The following EXOC6B variants were observed in gnomAD, a reference collection of about 807,000 sequenced individuals.
The protein encoded by EXOC6B is SEC15 homolog B.
Under a neutral mutation model 113.5 loss-of-function variants are expected in EXOC6B, and 54 were observed. The observed-to-expected ratio is 0.48, with a 90% CI of 0.38 to 0.60. The LOEUF (loss-of-function observed/expected upper bound fraction) is 0.60. Ranked by LOEUF, EXOC6B falls within the 20% of genes least tolerant of loss-of-function variation. EXOC6B has a pLI of 0.00. For synonymous variants in EXOC6B, 357 were observed against 339.0 expected (o/e 1.05, Z -0.58); for missense variants, 797 against 977.5 (o/e 0.82, Z 2.46).
Position 72,791,478 on chromosome 2 carries a change from T to C in EXOC6B, c.113+34320A>G, listed in dbSNP as rs192913415. Among the ~76,000 whole-genome samples, 47 of 152,318 alleles carry C rather than the reference T, an allele frequency of 3.1e-4. No individual in the cohort carries two copies. In the East Asian group the frequency reaches 8.5e-3, roughly 28 times the overall value. On this transcript the variant is annotated intron_variant, in intron 1 of 21. Transcript: ENST00000272427. ...GGAGGATGGCTTAAGCCGAGGGAAG[T>C]TGAGGCTGTGGCAAACCAAGACAGT...
At chr2:72,681,678 A>G (rs1288133358) in intron 6 of EXOC6B, among the ~76,000 whole-genome samples, 1 of 152,086 alleles carries the variant, frequency 6.6e-6, no homozygotes, top group African/African-American at 2.4e-5. Flanking sequence ...TACTTAAGCA[A>G]GTATATAAAA....
chr2:72,755,422 A>C (rs1682349490), intron 1 of EXOC6B, among the ~76,000 whole-genome samples: 1 of 152,178 alleles, frequency 6.6e-6, no homozygotes. Flanking sequence ...GAGAGTTTAC[A>C]CCTGGAACAA....
At chr2:72,415,353 A>AG (rs397974580) in intron 18 of EXOC6B, among the ~76,000 whole-genome samples, 11 of 152,062 alleles carry the variant, frequency 7.2e-5, no homozygotes, top group Non-Finnish European at 1.3e-4. Flanking sequence ...AAAAAAAAAA[A>AG]TACAGTGATT....
intron 6 of EXOC6B, among the ~76,000 whole-genome samples, chr2:72,607,887 G>C (rs1278273282): frequency 1.3e-5 from 2 of 152,050 alleles, no homozygotes; most frequent in African/African-American, 4.8e-5. Flanking sequence ...GTATGAAACT[G>C]ATGCTCAATG....
intron 6 of EXOC6B, among the ~76,000 whole-genome samples, chr2:72,654,045 C>G (rs1415440500): frequency 1.3e-5 from 2 of 151,148 alleles, no homozygotes; most frequent in Non-Finnish European, 2.9e-5. Context: ...TCTCTGCTCA[C>G]TGCAAGCTCC....
At chr2:72,704,085 C>A (rs1429793251) in intron 6 of EXOC6B, among the ~76,000 whole-genome samples, 21 of 150,500 alleles carry the variant, frequency 1.4e-4, no homozygotes, top group Non-Finnish European at 2.7e-4. Flanking sequence ...AAGTAAAGCT[C>A]TCCTCAGCAA....
At chr2:72,349,288 T>G (rs1689513518) in intron 19 of EXOC6B, among the ~76,000 whole-genome samples, 1 of 152,206 alleles carries the variant, frequency 6.6e-6, no homozygotes, top group Admixed American at 6.5e-5. Context: ...TGGAATTTCC[T>G]GAGTGATGGA....
intron 18 of EXOC6B, among the ~76,000 whole-genome samples, chr2:72,422,933 G>T (rs1234646425): frequency 1.3e-5 from 2 of 152,134 alleles, no homozygotes; most frequent in Non-Finnish European, 2.9e-5. Context: ...GATGTGGGTG[G>T]GGCCAGATAA....
At chr2:72,280,450 C>G (rs978727753) in intron 20 of EXOC6B, among the ~76,000 whole-genome samples, 1 of 151,888 alleles carries the variant, frequency 6.6e-6, no homozygotes, top group African/African-American at 2.4e-5. Context: ...AAAATGTTAA[C>G]CTATAAGAAT....
intron 8 of EXOC6B, among the ~76,000 whole-genome samples, chr2:72,532,369 A>G (rs1289805102): frequency 6.6e-6 from 1 of 152,224 alleles, no homozygotes; most frequent in African/African-American, 2.4e-5. Context: ...AGAGTATGGT[A>G]AAACCATACA....
At chr2:72,777,028 G>C (rs776101251) in intron 1 of EXOC6B, among the ~76,000 whole-genome samples, 3 of 151,996 alleles carry the variant, frequency 2.0e-5, no homozygotes, top group Non-Finnish European at 2.9e-5. Flanking sequence ...ACCACCTGAG[G>C]TCAGGAGTTC....
At chr2:72,305,115 A>C (rs1686755432) in intron 20 of EXOC6B, among the ~76,000 whole-genome samples, 1 of 152,170 alleles carries the variant, frequency 6.6e-6, no homozygotes, top group African/African-American at 2.4e-5. Context: ...TAACTTATTT[A>C]ATCATCACAA....
intron 17 of EXOC6B, among the ~76,000 whole-genome samples, chr2:72,476,812 G>T (rs115600982): frequency 1.3e-5 from 2 of 151,888 alleles, no homozygotes; most frequent in Non-Finnish European, 2.9e-5. Context: ...TATCTACTTC[G>T]GTATCTCACT....
In EXOC6B at chr2:72,414,499, T is replaced by C. The variant is rs75326875; in HGVS notation, c.1981-34629A>G. On this transcript the variant is annotated intron_variant, in intron 18 of 21. Transcript: ENST00000272427. ...TGAGTGCTTGACTCCAGTTAGCTAATGTGACAAGAAGACAAAGAACCCTGC... is the reference window on the plus strand; with the variant it reads ...TGAGTGCTTGACTCCAGTTAGCTAACGTGACAAGAAGACAAAGAACCCTGC... 4.6e-4 allele frequency among the ~76,000 whole-genome samples: 70 copies of C among 152,344 alleles called. No individual in the cohort carries two copies. In the East Asian group the frequency reaches 0.013, roughly 28 times the overall value.
chr2:72,745,941 AC>A, intron 1 of EXOC6B, among the ~76,000 whole-genome samples: 1 of 152,250 alleles, frequency 6.6e-6, no homozygotes, highest in Non-Finnish European at 1.5e-5. Context: ...TTCTTTTAAT[AC>A]CTTAAGGTAG....
chr2:72,628,208 T>TG (rs1672177434), intron 6 of EXOC6B, among the ~76,000 whole-genome samples: 1 of 152,020 alleles, frequency 6.6e-6, no homozygotes, highest in African/African-American at 2.4e-5. Flanking sequence ...CACTACTGCC[T>TG]CAAACTCCTG....
At chr2:72,412,936 TTCTCTCTTTCTCTCCC>T (rs1308183728) in intron 18 of EXOC6B, among the ~76,000 whole-genome samples, 3 of 151,586 alleles carry the variant, frequency 2.0e-5, no homozygotes, top group Non-Finnish European at 4.4e-5. Context: ...TTCCTTCTCT[TTCTCTCTTTCTCTCCC>T]TCTCTCTTTC....
At chr2:72,666,268 T>C (rs1324211719) in intron 6 of EXOC6B, among the ~76,000 whole-genome samples, 1 of 152,202 alleles carries the variant, frequency 6.6e-6, no homozygotes, top group African/African-American at 2.4e-5. Context: ...AAAGAAACTC[T>C]GGACTTAAAC....
intron 18 of EXOC6B, among the ~76,000 whole-genome samples, chr2:72,420,165 C>G (rs115185018): frequency 0.023 from 3,464 of 152,178 alleles, 41 homozygotes; most frequent in Non-Finnish European, 0.033. Context: ...AACCTCTTTA[C>G]TAATATTTCC....
Sources: allele counts gnomAD v4.1 joint callset (sites outside exome capture counted in the v4.1 genomes callset), GRCh38; gene constraint gnomAD v4.1.1; transcripts MANE v1.5; gene names NCBI Gene and HGNC (gene_info 2026-07-23, HGNC 2026-07-21).